The following CATSPERB variants were observed in gnomAD, a reference collection of about 807,000 sequenced individuals.
CATSPERB encodes catsper channel auxiliary subunit beta.
In CATSPERB, 93 loss-of-function variants were observed where a neutral mutation model predicts 128.3. The ratio of observed to expected loss-of-function variants is 0.72; its 90% confidence interval spans 0.61 to 0.86. CATSPERB has a LOEUF of 0.86. Ranked by LOEUF, CATSPERB falls within the 40% of genes least tolerant of loss-of-function variation. The probability of loss-of-function intolerance (pLI) is 0.00; values close to 1 mark genes in which losing one functional copy is unlikely to be tolerated. For synonymous variants in CATSPERB, 381 were observed against 448.8 expected (o/e 0.85, Z 1.91); for missense variants, 1,153 against 1,329.5 (o/e 0.87, Z 2.06).
chr14:91,702,780 T>C (rs1458959612), intron 7 of CATSPERB, among the ~76,000 whole-genome samples: 3 of 151,962 alleles, frequency 2.0e-5, no homozygotes, highest in Non-Finnish European at 4.4e-5. Context: ...TTATTTGTAA[T>C]AAATTTATTT....
intron 7 of CATSPERB, among the ~76,000 whole-genome samples, chr14:91,697,990 T>C (rs538369800): frequency 4.6e-5 from 7 of 152,194 alleles, no homozygotes; most frequent in Non-Finnish European, 8.8e-5. Context: ...TAGATGGTAA[T>C]GATTCTTCCA....
Position 91,610,775 on chromosome 14 carries a change from A to G in CATSPERB, c.2401-98T>C, listed in dbSNP as rs554271577. ...ACATGTTGAAACCCCAACCTCCAGT[A>G]TCTCAAAATGTGGCTGTATTTGGAG... On this transcript the variant is annotated intron_variant, in intron 20 of 26. Coordinates refer to ENST00000256343, the MANE Select transcript of CATSPERB (RefSeq NM_024764.4). 61 of 1,118,240 alleles carry G rather than the reference A, an allele frequency of 5.5e-5. No homozygotes were observed. In the Middle Eastern group the frequency reaches 1.0e-3, roughly 19 times the overall value. The allele number at this position is 1,118,240 out of a possible 1,614,324, so 69.3% of individuals were successfully genotyped here. A position where few individuals can be genotyped will look rare whatever the true frequency, so the allele number is the denominator to read the frequency against.
intron 16 of CATSPERB, 65 bp from the exon 17 acceptor site, chr14:91,636,644 A>G: frequency 7.3e-7 from 1 of 1,368,900 alleles, no homozygotes; most frequent in Non-Finnish European, 9.9e-7. Context: ...GACAAAATTG[A>G]AGTCACAGAT....
At chr14:91,726,290 G>C (rs1231639995) in intron 2 of CATSPERB, among the ~76,000 whole-genome samples, 2 of 152,298 alleles carry the variant, frequency 1.3e-5, no homozygotes, top group Middle Eastern at 3.4e-3. Context: ...GGAGTCACAG[G>C]CTCCCACCCG....
intron 14 of CATSPERB, among the ~76,000 whole-genome samples, chr14:91,665,773 G>C (rs1055297179): frequency 6.6e-6 from 1 of 152,140 alleles, no homozygotes. Flanking sequence ...GGGAGGCTGA[G>C]GCAGGAGAAT....
chr14:91,662,685 G>A (rs192938064), intron 14 of CATSPERB, among the ~76,000 whole-genome samples: 4 of 152,214 alleles, frequency 2.6e-5, no homozygotes, highest in African/African-American at 7.2e-5. Flanking sequence ...ATAAGAAATC[G>A]TGTTGACCTA....
chr14:91,703,161 T>C (rs1355530864), intron 7 of CATSPERB, among the ~76,000 whole-genome samples: 2 of 152,180 alleles, frequency 1.3e-5, no homozygotes, highest in Non-Finnish European at 1.5e-5. Flanking sequence ...TATTTTCCTT[T>C]ATATTCACTG....
intron 19 of CATSPERB, 128 bp from the exon 20 acceptor site, chr14:91,617,864 T>G (rs1566705703): frequency 2.0e-5 from 13 of 656,976 alleles, no homozygotes; most frequent in Non-Finnish European, 3.3e-5. Context: ...TGACTGCACA[T>G]ACAGTTAGCA....
At chr14:91,690,806 C>T (rs1339662267) in intron 10 of CATSPERB, among the ~76,000 whole-genome samples, 1 of 152,226 alleles carries the variant, frequency 6.6e-6, no homozygotes, top group Non-Finnish European at 1.5e-5. Context: ...GATAAAGGTG[C>T]AGGCAGATTC....
chr14:91,692,012 C>T (rs1204346792), intron 9 of CATSPERB, among the ~76,000 whole-genome samples: 1 of 151,754 alleles, frequency 6.6e-6, no homozygotes, highest in East Asian at 1.9e-4. Flanking sequence ...CTCCGTTTCT[C>T]CTAAAAATAC....
chr14:91,683,241 A>G (rs1487043436), intron 11 of CATSPERB, among the ~76,000 whole-genome samples: 3 of 152,162 alleles, frequency 2.0e-5, no homozygotes, highest in Admixed American at 6.5e-5. Context: ...CTAGGAACTC[A>G]AGAATATTTC....
chr14:91,591,891 C>T lies in CATSPERB; in HGVS notation c.2820+1G>A. 1 of 1,604,688 alleles carries T rather than the reference C, an allele frequency of 6.2e-7. No individual in the cohort carries two copies. Among genetic ancestry groups the T allele is most frequent in the Non-Finnish European group, 8.5e-7 (1 of 1,171,516 alleles). On this transcript the variant is annotated splice_donor_variant, in intron 23 of 26. Coordinates refer to ENST00000256343, the MANE Select transcript of CATSPERB (RefSeq NM_024764.4). LOFTEE classifies it high-confidence loss of function. ...ATTCAGGTAATTAGAAATGATCTTA[C>T]TTTTTCCCTGCAATCCGAGAAAGCA...
At chr14:91,689,035 A>G (rs1895421961) in intron 10 of CATSPERB, among the ~76,000 whole-genome samples, 1 of 152,210 alleles carries the variant, frequency 6.6e-6, no homozygotes, top group Non-Finnish European at 1.5e-5. Context: ...AATTGGAATA[A>G]TAGATGGCAA....
chr14:91,670,030 T>A, intron 13 of CATSPERB, 58 bp from the exon 14 acceptor site: 1 of 1,468,942 alleles, frequency 6.8e-7, no homozygotes, highest in South Asian at 1.2e-5. Context: ...AATTTTAGAA[T>A]TTCCTGTTAC....
At chr14:91,708,285 G>A (rs1198538456) in intron 5 of CATSPERB, 49 bp from the exon 6 acceptor site, 3 of 1,241,298 alleles carry the variant, frequency 2.4e-6, no homozygotes, top group East Asian at 2.4e-5. Flanking sequence ...CATATGTTGT[G>A]TTTGGTGAAA....
intron 17 of CATSPERB, among the ~76,000 whole-genome samples, chr14:91,626,451 G>A (rs61438042): frequency 6.9e-6 from 1 of 145,918 alleles, no homozygotes; most frequent in Non-Finnish European, 1.5e-5. Context: ...TGCAACCTGA[G>A]AGGTGGGACT....
intron 22 of CATSPERB, among the ~76,000 whole-genome samples, chr14:91,607,729 T>A (rs914681333): frequency 1.3e-5 from 2 of 152,196 alleles, no homozygotes; most frequent in Non-Finnish European, 2.9e-5. Context: ...TGTCTGTGCA[T>A]GTGTATGGGC....
rs75448764 is a variant in CATSPERB, at chr14:91,701,075, A to G, written c.616+3477T>C. Among the ~76,000 whole-genome samples, 1,005 of 152,316 alleles carry G rather than the reference A, an allele frequency of 6.6e-3. 4 individuals carry two copies. Among genetic ancestry groups the G allele is most frequent in the Non-Finnish European group, 0.011 (718 of 68,012 alleles). ...AGGAAGCCTTGAAGCTAGGTACTGC[A>G]TGGATCATCCATATGGATGGTGAAG... On this transcript the variant is annotated intron_variant, in intron 7 of 26. Coordinates refer to ENST00000256343, the MANE Select transcript of CATSPERB (RefSeq NM_024764.4).
chr14:91,629,512 T>C (rs1243839516), intron 17 of CATSPERB, among the ~76,000 whole-genome samples: 1 of 152,156 alleles, frequency 6.6e-6, no homozygotes, highest in African/African-American at 2.4e-5. Context: ...CTAATGTAGG[T>C]ACGTACGCTG....
Sources: allele counts gnomAD v4.1 joint callset (sites outside exome capture counted in the v4.1 genomes callset), GRCh38; gene constraint gnomAD v4.1.1; transcripts MANE v1.5; gene names NCBI Gene and HGNC (gene_info 2026-07-23, HGNC 2026-07-21).